The following ANKRD55 variants were observed in gnomAD, a reference collection of about 807,000 sequenced individuals.
The protein encoded by ANKRD55 is ankyrin repeat domain 55.
Under a neutral mutation model 60.6 loss-of-function variants are expected in ANKRD55, and 41 were observed. That is an observed-to-expected ratio of 0.68 (90% CI 0.53 to 0.88). The LOEUF (loss-of-function observed/expected upper bound fraction) is 0.88, where lower values mean the gene tolerates loss of function less well. ANKRD55 is among the 40% of genes least tolerant of loss of function. The pLI, the probability that ANKRD55 is intolerant of heterozygous loss-of-function variation, is 0.00. For missense variants in ANKRD55, 732 were observed against 767.6 expected (o/e 0.95, Z 0.55); for synonymous variants, 264 against 290.3 (o/e 0.91, Z 0.92).
At chr5:56,221,141 A>G (rs1178293405) in intron 2 of ANKRD55, among the ~76,000 whole-genome samples, 1 of 152,136 alleles carries the variant, frequency 6.6e-6, no homozygotes, top group Non-Finnish European at 1.5e-5. Context: ...ACTGAGCCCA[A>G]ATCATTCCCT....
In ANKRD55 at chr5:56,111,543, G is replaced by A. The variant is rs1372496684; in HGVS notation, c.1205C>T (p.Ala402Val). The A allele has an allele frequency of 1.2e-6, 2 of 1,613,666 alleles. No individual in the cohort carries two copies. The highest frequency in any genetic ancestry group is 1.7e-6 in the Non-Finnish European group (2 of 1,179,910). Reference protein sequence around the residue: ...NCQEQPGDQVAMVEFKKKTSD... With the variant: ...NCQEQPGDQVVMVEFKKKTSD... ...GGTTTTCTTCTTAAATTCAACCATA[G>A]CCACCTGATCACCAGGCTGTTCTTG... Residue 402 changes from alanine (A) to valine (V), a missense_variant, in exon 10 of 12, where the codon GCT (alanine) becomes GTT (valine). This residue lies in a region of ANKRD55 where 597 missense variants were observed against 607.5 expected (regional missense o/e 0.98). Transcript: ENST00000341048.
intron 2 of ANKRD55, among the ~76,000 whole-genome samples, chr5:56,209,599 T>C (rs1340182132): frequency 6.6e-6 from 1 of 152,044 alleles, no homozygotes; most frequent in Non-Finnish European, 1.5e-5. Context: ...TCCGACTAGC[T>C]GGGACTACAG....
intron 10 of ANKRD55, among the ~76,000 whole-genome samples, chr5:56,108,924 C>T (rs1165351732): frequency 6.6e-6 from 1 of 152,138 alleles, no homozygotes; most frequent in Admixed American, 6.5e-5. Flanking sequence ...GTAATCCCAG[C>T]TACCTGGGAG....
In ANKRD55 at chr5:56,121,614, A is replaced by G. The variant is rs887896848; in HGVS notation, c.798-4832T>C. 4.0e-5 allele frequency among the ~76,000 whole-genome samples: 6 copies of G among 151,886 alleles called. No individual in the cohort carries two copies. In the East Asian group the frequency reaches 9.7e-4, roughly 25 times the overall value. ...TCTCGATCTCCTGACCTCGTGATCCACCCGCCTGGGCCTCCCAAAGTGCTG... is the reference window on the plus strand; with the variant it reads ...TCTCGATCTCCTGACCTCGTGATCCGCCCGCCTGGGCCTCCCAAAGTGCTG... On this transcript the variant is annotated intron_variant, in intron 8 of 11. Transcript: ENST00000341048.
At chr5:56,196,906 T>C (rs1332690981) in intron 2 of ANKRD55, among the ~76,000 whole-genome samples, 1 of 152,146 alleles carries the variant, frequency 6.6e-6, no homozygotes, top group East Asian at 1.9e-4. Context: ...CAACATCACC[T>C]GGGAACCTGT....
chr5:56,227,908 T>C (rs772943125), intron 2 of ANKRD55, among the ~76,000 whole-genome samples: 13 of 152,200 alleles, frequency 8.5e-5, no homozygotes, highest in Non-Finnish European at 1.5e-4. Context: ...TATGTATCCA[T>C]GTAAAGCCCT....
chr5:56,208,535 C>T (rs566225193), intron 2 of ANKRD55, among the ~76,000 whole-genome samples: 89 of 152,186 alleles, frequency 5.8e-4, no homozygotes, highest in Admixed American at 1.0e-3. Flanking sequence ...AGCAATTCTC[C>T]TGGCTTAGCC....
At chr5:56,225,915 T>C (rs1158031542) in intron 2 of ANKRD55, among the ~76,000 whole-genome samples, 1 of 152,196 alleles carries the variant, frequency 6.6e-6, no homozygotes, top group Non-Finnish European at 1.5e-5. Context: ...CCCAAGGTAA[T>C]TTATAGATTC....
chr5:56,107,525 AC>A (rs1397902929), intron 10 of ANKRD55, among the ~76,000 whole-genome samples: 1 of 152,102 alleles, frequency 6.6e-6, no homozygotes, highest in East Asian at 1.9e-4. Context: ...CTCCTCCCTC[AC>A]TTAGAAACAG....
intron 3 of ANKRD55, among the ~76,000 whole-genome samples, chr5:56,180,753 T>C (rs953911813): frequency 1.3e-5 from 2 of 152,268 alleles, no homozygotes; most frequent in Non-Finnish European, 2.9e-5. Context: ...TGCATGTTCA[T>C]TGTTTGTATA....
At chr5:56,105,616 G>T (rs2111659763) in intron 10 of ANKRD55, among the ~76,000 whole-genome samples, 1 of 152,340 alleles carries the variant, frequency 6.6e-6, no homozygotes, top group African/African-American at 2.4e-5. Context: ...AGGAACTTCT[G>T]AAGAGGTAGG....
Position 56,176,210 on chromosome 5 carries a change from G to C in ANKRD55, c.254C>G (p.Ala85Gly). The C allele has an allele frequency of 6.2e-7, 1 of 1,614,140 alleles. No individual in the cohort carries two copies. The highest frequency in any genetic ancestry group is 8.5e-7 in the Non-Finnish European group (1 of 1,180,034). ...DTVKLLLKMGANINMQDAYGR... is the reference protein window; with the variant it reads ...DTVKLLLKMGGNINMQDAYGR... ...ATAAGCATCCTGCATGTTAATATTG[G>C]CTCCCATCTTCAACAGCAGCTTCAC... Residue 85 changes from alanine (A) to glycine (G), a missense_variant, in exon 4 of 12, where the codon GCC becomes GGC. Physicochemically the swap from Ala to Gly is moderately conservative, Grantham distance 60. Transcript: ENST00000341048.
intron 6 of ANKRD55, among the ~76,000 whole-genome samples, chr5:56,156,761 A>G (rs1332387106): frequency 6.6e-6 from 1 of 152,188 alleles, no homozygotes; most frequent in Non-Finnish European, 1.5e-5. Flanking sequence ...TCTGGTTCTC[A>G]TCTTTAAAGC....
At chr5:56,230,764 A>G (rs1467143255) in intron 2 of ANKRD55, among the ~76,000 whole-genome samples, 1 of 152,192 alleles carries the variant, frequency 6.6e-6, no homozygotes, top group African/African-American at 2.4e-5. Context: ...TTCTGAAAAA[A>G]ATAATTAATG....
At chr5:56,160,680 G>A (rs1758306077) in intron 5 of ANKRD55, 1 of 152,220 alleles carries the variant, frequency 6.6e-6, no homozygotes, top group Non-Finnish European at 1.5e-5. Context: ...GAGGTTGTCA[G>A]TATTTGCAAG....
chr5:56,205,580 C>CT, intron 2 of ANKRD55, among the ~76,000 whole-genome samples: 1 of 152,124 alleles, frequency 6.6e-6, no homozygotes, highest in African/African-American at 2.4e-5. Flanking sequence ...AGGTTGATCT[C>CT]TAAGTTTCCT....
chr5:56,126,895 C>T, intron 8 of ANKRD55, 27 bp downstream of exon 8: 1 of 1,577,190 alleles, frequency 6.3e-7, no homozygotes, highest in Non-Finnish European at 8.6e-7. Context: ...GACTAGTTTC[C>T]CAGCACTTTC....
intron 3 of ANKRD55, among the ~76,000 whole-genome samples, chr5:56,176,570 C>A (rs1027652889): frequency 1.3e-5 from 2 of 152,108 alleles, no homozygotes; most frequent in Admixed American, 6.5e-5. Context: ...TAATTTAAGA[C>A]ATAACAGGCA....
At position 56,170,848 on chromosome 5, in the gene ANKRD55, G is replaced by A. The variant is rs550940663; in HGVS notation, c.313-45C>T. On this transcript the variant is annotated intron_variant, in intron 4 of 11. Transcript: ENST00000341048. ...ACATCATTATATAACAGAAGCTCAC[G>A]TAACATGGTCCAACAAACTTTCTCT... 20 of 1,537,300 alleles carry A rather than the reference G, an allele frequency of 1.3e-5. 1 individual carries two copies. In the East Asian group the frequency reaches 2.7e-4, roughly 21 times the overall value.
Sources: gnomAD v4.1 joint callset for allele counts (sites outside exome capture counted in the v4.1 genomes callset) on GRCh38, gnomAD v4.1.1 for gene constraint, gnomAD v4.1.1 regional missense constraint, MANE v1.5 for transcripts, NCBI Gene and HGNC (gene_info 2026-07-23, HGNC 2026-07-21) for gene names.